Variants in POU2F1 observed in about 807,000 individuals in gnomAD.
POU2F1 encodes POU class 2 homeobox 1.
POU2F1 carries 16 observed loss-of-function variants against 84.9 expected under a neutral mutation model. That is an observed-to-expected ratio of 0.19 (90% CI 0.13 to 0.29). The LOEUF is 0.29. Ranked by LOEUF, POU2F1 falls within the 10% of genes least tolerant of loss-of-function variation. The pLI is 1.00. For missense variants in POU2F1, 738 were observed against 942.6 expected (o/e 0.78, Z 2.84); for synonymous variants, 368 against 368.3 (o/e 1.00, Z 0.01).
In POU2F1 at chr1:167,383,933, C is replaced by T. The variant is rs1389345281; in HGVS notation, c.795C>T (p.Ser265=). The change falls in exon 8 of 16, where the codon AGC becomes AGT. Residue 265 remains serine (S), a synonymous_variant. Transcript: ENST00000367866. ...SQANLLQSQP[S]ITLTSQPATP... is the part of the protein sequence containing the mutation. Reference sequence around the variant, plus strand: ...CCAACCTCCTACAGTCGCAGCCAAGCATCACCCTCACCTCCCAGGTCAGTT... The same window carrying T: ...CCAACCTCCTACAGTCGCAGCCAAGTATCACCCTCACCTCCCAGGTCAGTT... 6.2e-7 allele frequency: 1 copy of T among 1,613,516 alleles called. No homozygotes were observed. The highest frequency in any genetic ancestry group is 8.5e-7 in the Non-Finnish European group (1 of 1,179,592).
At chr1:167,415,212 TCAA>T (rs1650220201) in intron 15 of POU2F1, among the ~76,000 whole-genome samples, 1 of 152,216 alleles carries the variant, frequency 6.6e-6, no homozygotes. Context: ...ACTGGTGATT[TCAA>T]GACACGAACA....
At chr1:167,361,199 A>G (rs1163526122) in intron 2 of POU2F1, among the ~76,000 whole-genome samples, 1 of 152,158 alleles carries the variant, frequency 6.6e-6, no homozygotes, top group East Asian at 1.9e-4. Context: ...TGCTCTGGCA[A>G]GGACTTTCAG....
At chr1:167,227,794 TA>T (rs1364615103) in intron 1 of POU2F1, among the ~76,000 whole-genome samples, 3 of 152,162 alleles carry the variant, frequency 2.0e-5, no homozygotes. Flanking sequence ...CATATTAAAA[TA>T]TGTAACAGAT....
intron 12 of POU2F1, among the ~76,000 whole-genome samples, chr1:167,400,541 A>G (rs1188492799): frequency 6.6e-6 from 1 of 152,222 alleles, no homozygotes; most frequent in Non-Finnish European, 1.5e-5. Context: ...CTGAACTTGT[A>G]TTAAAACAAT....
chr1:167,287,452 GA>G (rs1239726024), intron 1 of POU2F1, among the ~76,000 whole-genome samples: 1 of 151,732 alleles, frequency 6.6e-6, no homozygotes, highest in Non-Finnish European at 1.5e-5. Context: ...CAGAACCTAG[GA>G]AAAAAGACAA....
intron 1 of POU2F1, among the ~76,000 whole-genome samples, chr1:167,295,566 C>T (rs1013567965): frequency 5.3e-5 from 8 of 152,212 alleles, no homozygotes; most frequent in African/African-American, 1.9e-4. Context: ...ATAATGGTTA[C>T]AACATCACTA....
intron 1 of POU2F1, among the ~76,000 whole-genome samples, chr1:167,313,394 TAAG>T (rs1386468450): frequency 2.0e-5 from 3 of 151,888 alleles, no homozygotes; most frequent in Non-Finnish European, 4.4e-5. Flanking sequence ...AAAAATAAAA[TAAG>T]AAGAGTCAGT....
intron 9 of POU2F1, among the ~76,000 whole-genome samples, chr1:167,391,315 T>TA (rs1173405089): frequency 6.6e-5 from 10 of 150,918 alleles, no homozygotes; most frequent in Middle Eastern, 3.4e-3. Flanking sequence ...GATCATTAGG[T>TA]AAAAAAAAAC....
At chr1:167,350,998 C>CA (rs909280841) in intron 2 of POU2F1, among the ~76,000 whole-genome samples, 28 of 146,498 alleles carry the variant, frequency 1.9e-4, no homozygotes, top group South Asian at 6.5e-4. Flanking sequence ...AACTCCATCT[C>CA]AAAAAAAAAA....
At chr1:167,355,563 G>T (rs935442441) in intron 2 of POU2F1, among the ~76,000 whole-genome samples, 1 of 152,190 alleles carries the variant, frequency 6.6e-6, no homozygotes, top group African/African-American at 2.4e-5. Context: ...AATTTATTGA[G>T]ATTTTCATAT....
chr1:167,315,214 A>G (rs1386675087), intron 1 of POU2F1, among the ~76,000 whole-genome samples: 1 of 152,224 alleles, frequency 6.6e-6, no homozygotes, highest in Non-Finnish European at 1.5e-5. Context: ...CCTAATACAT[A>G]CATATGCCCT....
At chr1:167,302,749 A>G (rs924054398) in intron 1 of POU2F1, among the ~76,000 whole-genome samples, 3 of 152,226 alleles carry the variant, frequency 2.0e-5, no homozygotes, top group African/African-American at 7.2e-5. Context: ...ATACTACTCA[A>G]TCAGTTACAC....
intron 1 of POU2F1, among the ~76,000 whole-genome samples, chr1:167,245,586 T>C (rs956099882): frequency 9.2e-5 from 14 of 152,076 alleles, no homozygotes; most frequent in African/African-American, 3.1e-4. Context: ...GCTAGTTTTG[T>C]GTTTTTAGTA....
rs1042958611 is a variant in POU2F1, at chr1:167,424,184, C to G, written c.*8374C>G. The G allele has an allele frequency of 3.9e-5, 6 of 152,198 alleles. No individual in the cohort carries two copies. Among genetic ancestry groups the G allele is most frequent in the African/African-American group, 1.2e-4 (5 of 41,442 alleles). 9.4% of individuals were successfully genotyped at this position (152,198 alleles called of 1,614,324 possible). Reference sequence around the variant, plus strand: ...TAAGAGTAGAGTGGACTAGTGCCAGCCTGAATAGGTTTAAAACTGCAAACA... The same window carrying G: ...TAAGAGTAGAGTGGACTAGTGCCAGGCTGAATAGGTTTAAAACTGCAAACA... On this transcript the variant is annotated 3_prime_UTR_variant, in exon 16 of 16. Transcript: ENST00000367866.
intron 1 of POU2F1, among the ~76,000 whole-genome samples, chr1:167,323,753 C>T (rs924853593): frequency 9.9e-5 from 15 of 152,170 alleles, no homozygotes; most frequent in Non-Finnish European, 1.6e-4. Flanking sequence ...AGTGCAGTCA[C>T]GCGATCTCGG....
At chr1:167,330,179 T>C (rs1656988113) in intron 1 of POU2F1, among the ~76,000 whole-genome samples, 1 of 152,208 alleles carries the variant, frequency 6.6e-6, no homozygotes, top group Non-Finnish European at 1.5e-5. Flanking sequence ...TGATATGAAC[T>C]CCGGGACTTG....
At chr1:167,267,534 C>T (rs899894586) in intron 1 of POU2F1, among the ~76,000 whole-genome samples, 3 of 151,570 alleles carry the variant, frequency 2.0e-5, no homozygotes, top group Non-Finnish European at 4.4e-5. Flanking sequence ...CTAAAATTGG[C>T]CAGAGATTCC....
chr1:167,358,358 A>G (rs1659112881), intron 2 of POU2F1, among the ~76,000 whole-genome samples: 1 of 151,258 alleles, frequency 6.6e-6, no homozygotes, highest in Non-Finnish European at 1.5e-5. Context: ...TTGTATTTAT[A>G]TTTTTCACAC....
At chr1:167,292,803 C>T (rs1379358352) in intron 1 of POU2F1, among the ~76,000 whole-genome samples, 1 of 152,056 alleles carries the variant, frequency 6.6e-6, no homozygotes, top group Non-Finnish European at 1.5e-5. Flanking sequence ...AAAGACAATC[C>T]ACCATGATCA....
Sources: allele counts gnomAD v4.1 joint callset (sites outside exome capture counted in the v4.1 genomes callset), GRCh38; gene constraint gnomAD v4.1.1; transcripts MANE v1.5; gene names NCBI Gene and HGNC (gene_info 2026-07-23, HGNC 2026-07-21).